The following CDH13 variants were observed in gnomAD, a reference collection of about 807,000 sequenced individuals.
CDH13 encodes the protein cadherin-13.
A neutral mutation model predicts 63.8 loss-of-function variants in CDH13; 24 were observed. That is an observed-to-expected ratio of 0.38 (90% confidence interval 0.27 to 0.53). The LOEUF (loss-of-function observed/expected upper bound fraction) is 0.53, where lower values mean the gene tolerates loss of function less well. Ranked by LOEUF, CDH13 falls within the 20% of genes least tolerant of loss-of-function variation. The pLI is 0.85. For missense variants in CDH13, 1,049 were observed against 903.1 expected, an observed-to-expected ratio of 1.16 and a Z score of -2.07; for synonymous variants, 503 against 355.3, an observed-to-expected ratio of 1.42 and a Z score of -4.67.
At chr16:83,347,561 G>A (rs981199804) in intron 6 of CDH13, among the ~76,000 whole-genome samples, 2 of 152,192 alleles carry the variant, frequency 1.3e-5, no homozygotes, top group Non-Finnish European at 2.9e-5. Flanking sequence ...TGTGCCAGCA[G>A]CCATATATGT....
At chr16:82,782,103 T>C (rs1180568333) in intron 1 of CDH13, among the ~76,000 whole-genome samples, 1 of 152,154 alleles carries the variant, frequency 6.6e-6, no homozygotes, top group East Asian at 1.9e-4. Context: ...ATTTGTTGTT[T>C]GGTAGAAATA....
At chr16:82,703,339 C>T (rs1473540810) in intron 1 of CDH13, among the ~76,000 whole-genome samples, 3 of 152,082 alleles carry the variant, frequency 2.0e-5, no homozygotes, top group African/African-American at 7.2e-5. Flanking sequence ...CACTGTGAAC[C>T]CTGAGATGTT....
intron 3 of CDH13, among the ~76,000 whole-genome samples, chr16:83,080,873 T>G (rs1478588312): frequency 4.6e-5 from 4 of 86,046 alleles, no homozygotes; most frequent in African/African-American, 2.1e-4. Context: ...GTTTTTGTGT[T>G]TTTTTTTTTT....
At chr16:83,116,132 T>C (rs1481354427) in intron 3 of CDH13, among the ~76,000 whole-genome samples, 1 of 152,214 alleles carries the variant, frequency 6.6e-6, no homozygotes, top group Admixed American at 6.5e-5. Context: ...GTCCCAGCTG[T>C]AGAATGCCAG....
chr16:82,749,965 T>G (rs1361720761), intron 1 of CDH13, among the ~76,000 whole-genome samples: 1 of 152,160 alleles, frequency 6.6e-6, no homozygotes, highest in African/African-American at 2.4e-5. Context: ...GCAAGTCGAT[T>G]TTTGTTTAGG....
chr16:83,121,009 G>A (rs868483105), intron 3 of CDH13, among the ~76,000 whole-genome samples: 2 of 151,986 alleles, frequency 1.3e-5, no homozygotes, highest in Non-Finnish European at 1.5e-5. Context: ...TGATCCTCCC[G>A]CCTCGGCCTC....
At chr16:82,748,574 T>C (rs1029102331) in intron 1 of CDH13, among the ~76,000 whole-genome samples, 1 of 151,876 alleles carries the variant, frequency 6.6e-6, no homozygotes, top group African/African-American at 2.4e-5. Flanking sequence ...GTGACCTCAG[T>C]TTGAGTGAGC....
chr16:83,509,024 C>A (rs1012818922), intron 7 of CDH13, among the ~76,000 whole-genome samples: 3 of 152,196 alleles, frequency 2.0e-5, no homozygotes, highest in African/African-American at 7.2e-5. Flanking sequence ...ATAGCATGCA[C>A]ACATCACAGA....
chr16:83,082,512 A>C (rs544261114), intron 3 of CDH13, among the ~76,000 whole-genome samples: 2 of 152,282 alleles, frequency 1.3e-5, no homozygotes, highest in African/African-American at 2.4e-5. Flanking sequence ...GGGTACCTGT[A>C]ATCCAAACTA....
chr16:83,231,384 C>T (rs1329317809), intron 5 of CDH13, among the ~76,000 whole-genome samples: 4 of 152,124 alleles, frequency 2.6e-5, no homozygotes, highest in African/African-American at 7.2e-5. Flanking sequence ...TTTGGATTCA[C>T]CTTTGATTGT....
chr16:83,672,409 CTTTTTTTTTTT>C (rs34156503), intron 9 of CDH13, among the ~76,000 whole-genome samples: 25 of 35,132 alleles, frequency 7.1e-4, no homozygotes, highest in South Asian at 1.6e-3. Flanking sequence ...TCTGGATTCT[CTTTTTTTTTTT>C]TTTTTTTTTT....
chr16:82,658,356 G>C (rs887657736), intron 1 of CDH13, among the ~76,000 whole-genome samples: 2 of 152,192 alleles, frequency 1.3e-5, no homozygotes, highest in Admixed American at 1.3e-4. Context: ...CTCCTTTAAA[G>C]ATTTAGCTGT....
chr16:82,830,650 T>G (rs2038494406), intron 1 of CDH13, among the ~76,000 whole-genome samples: 1 of 152,262 alleles, frequency 6.6e-6, no homozygotes, highest in Non-Finnish European at 1.5e-5. Context: ...CAGTGTCTTC[T>G]CAGTTTGACA....
At chr16:82,971,263 C>A (rs1303896400) in intron 2 of CDH13, among the ~76,000 whole-genome samples, 1 of 152,178 alleles carries the variant, frequency 6.6e-6, no homozygotes, top group African/African-American at 2.4e-5. Flanking sequence ...TGATAACAGC[C>A]GTTTTGTTGG....
intron 5 of CDH13, among the ~76,000 whole-genome samples, chr16:83,341,167 C>T (rs1257130210): frequency 6.6e-6 from 1 of 152,234 alleles, no homozygotes. Context: ...CAAACACAGC[C>T]ACTTGAATCT....
chr16:82,718,738 G>C (rs1597396427), intron 1 of CDH13, among the ~76,000 whole-genome samples: 1 of 152,122 alleles, frequency 6.6e-6, no homozygotes, highest in African/African-American at 2.4e-5. Flanking sequence ...AACATCATCA[G>C]ATCTCGTGAG....
At chr16:82,738,265 G>T (rs2033774467) in intron 1 of CDH13, among the ~76,000 whole-genome samples, 1 of 152,314 alleles carries the variant, frequency 6.6e-6, no homozygotes, top group Non-Finnish European at 1.5e-5. Context: ...AAACGTAACT[G>T]CATGGCCAAT....
chr16:83,151,687 AG>A (rs1199561396), intron 4 of CDH13, among the ~76,000 whole-genome samples: 2 of 152,210 alleles, frequency 1.3e-5, no homozygotes, highest in African/African-American at 4.8e-5. Flanking sequence ...TCAGTAGGCC[AG>A]GCACAGTGGT....
At chr16:82,882,882 A>T (rs1318223210) in intron 2 of CDH13, among the ~76,000 whole-genome samples, 1 of 152,156 alleles carries the variant, frequency 6.6e-6, no homozygotes, top group Non-Finnish European at 1.5e-5. Flanking sequence ...GGATACTATG[A>T]TTTTCTTAAA....
Sources: gnomAD v4.1 joint callset for allele counts (sites outside exome capture counted in the v4.1 genomes callset) on GRCh38, gnomAD v4.1.1 for gene constraint, MANE v1.5 for transcripts, NCBI Gene and HGNC (gene_info 2026-07-23, HGNC 2026-07-21) for gene names.